Variants in USP45 observed in about 807,000 individuals in gnomAD.
USP45 encodes ubiquitin specific peptidase 45.
A neutral mutation model predicts 95.8 loss-of-function variants in USP45; 89 were observed. The ratio of observed to expected loss-of-function variants is 0.93; its 90% confidence interval spans 0.78 to 1.11. USP45 has a LOEUF of 1.11. USP45 is among the 50% of genes least tolerant of loss of function. The pLI is 0.00. For synonymous variants in USP45, 281 were observed against 316.2 expected (o/e 0.89, Z 1.18); for missense variants, 898 against 942.5 (o/e 0.95, Z 0.62).
At chr6:99,512,113 G>C (rs1312624227) in intron 1 of USP45, among the ~76,000 whole-genome samples, 1 of 151,868 alleles carries the variant, frequency 6.6e-6, no homozygotes, top group Non-Finnish European at 1.5e-5. Flanking sequence ...ATTCAATCAA[G>C]GTTTGCACTT....
At chr6:99,499,929 C>G (rs1372729177) in intron 5 of USP45, among the ~76,000 whole-genome samples, 1 of 152,178 alleles carries the variant, frequency 6.6e-6, no homozygotes, top group African/African-American at 2.4e-5. Context: ...ACTGTTTAAT[C>G]TTACACCTTC....
chr6:99,452,198 G>A (rs374308947), intron 13 of USP45, among the ~76,000 whole-genome samples: 4 of 152,050 alleles, frequency 2.6e-5, no homozygotes, highest in Admixed American at 1.3e-4. Flanking sequence ...ATTAAACTAA[G>A]GAGCTTCTGC....
intron 5 of USP45, chr6:99,501,980 T>C (rs1423512974): frequency 7.7e-7 from 1 of 1,303,254 alleles, no homozygotes; most frequent in South Asian, 1.2e-5. Flanking sequence ...CAGTTTATGC[T>C]GAAGAGATGA....
Position 99,510,157 on chromosome 6 carries a change from C to T in USP45, c.64G>A (p.Val22Ile), listed in dbSNP as rs758646721. ...EKAKRSKRPTVPHDEDSSDDI... is the reference protein window; with the variant it reads ...EKAKRSKRPTIPHDEDSSDDI... ...TCTGAAGAGTCTTCATCATGAGGTA[C>T]AGTAGGCCTTTTACTTCTTTTGGCT... Residue 22 changes from valine to isoleucine, a missense_variant, in exon 2 of 18, where the codon GTA (valine) becomes ATA (isoleucine). Coordinates refer to ENST00000500704, the MANE Select transcript of USP45 (RefSeq NM_001346022.3). 9 of 1,613,878 alleles carry T rather than the reference C, an allele frequency of 5.6e-6. No individual in the cohort carries two copies. The highest frequency in any genetic ancestry group is 7.6e-6 in the Non-Finnish European group (9 of 1,179,840).
In USP45 at chr6:99,464,661, A is replaced by G. The variant is rs766335352; in HGVS notation, c.1251T>C (p.Thr417=). Residue 417 remains threonine (T), a synonymous_variant, in exon 13 of 18, where the codon ACT becomes ACC. Transcript: ENST00000500704. ...CTCTAGGTTGATGAATATTTTCTAT[A>G]GTAACATTGCCACTGTATCGATCAT... ...TDHDRYSGNV[T]IENIHQPRAA... is the part of the protein sequence containing the mutation. 3.7e-6 allele frequency: 6 copies of G among 1,613,270 alleles called. No homozygotes were observed. The highest frequency in any genetic ancestry group is 1.3e-5 in the African/African-American group (1 of 74,914).
intron 13 of USP45, among the ~76,000 whole-genome samples, chr6:99,458,897 A>AAT (rs1785683545): frequency 6.6e-6 from 1 of 152,194 alleles, no homozygotes; most frequent in Admixed American, 6.5e-5. Flanking sequence ...AATAGAGTAC[A>AAT]AGTGTGGGGA....
At chr6:99,455,979 A>G (rs1784973245) in intron 13 of USP45, among the ~76,000 whole-genome samples, 1 of 151,712 alleles carries the variant, frequency 6.6e-6, no homozygotes, top group Admixed American at 6.6e-5. Flanking sequence ...CTGAAAATAC[A>G]AAAATTAACC....
At chr6:99,438,052 T>A (rs1780832583) in intron 16 of USP45, among the ~76,000 whole-genome samples, 1 of 152,224 alleles carries the variant, frequency 6.6e-6, no homozygotes, top group Non-Finnish European at 1.5e-5. Flanking sequence ...CACAAATACA[T>A]GAGCAAAATG....
At chr6:99,500,688 C>T (rs1797186876) in intron 5 of USP45, among the ~76,000 whole-genome samples, 1 of 152,162 alleles carries the variant, frequency 6.6e-6, no homozygotes, top group African/African-American at 2.4e-5. Flanking sequence ...GAATTATGAC[C>T]AACTTCAGTT....
At chr6:99,439,142 AC>A (rs1781051595) in intron 16 of USP45, among the ~76,000 whole-genome samples, 1 of 152,210 alleles carries the variant, frequency 6.6e-6, no homozygotes, top group South Asian at 2.1e-4. Flanking sequence ...ATTACATACT[AC>A]AAAATCTAGA....
chr6:99,504,095 C>A (rs776624817), intron 4 of USP45, among the ~76,000 whole-genome samples: 1 of 152,090 alleles, frequency 6.6e-6, no homozygotes, highest in Non-Finnish European at 1.5e-5. Context: ...TGAAATGCCA[C>A]GAGAGGGTTT....
intron 7 of USP45, among the ~76,000 whole-genome samples, chr6:99,483,473 A>G (rs1184358045): frequency 6.6e-6 from 1 of 152,114 alleles, no homozygotes; most frequent in Non-Finnish European, 1.5e-5. Flanking sequence ...TACTATCCCC[A>G]CCAATAACAC....
intron 13 of USP45, among the ~76,000 whole-genome samples, chr6:99,453,400 C>T (rs1474399711): frequency 6.6e-6 from 1 of 151,746 alleles, no homozygotes; most frequent in Non-Finnish European, 1.5e-5. Context: ...ATCAACAAAG[C>T]AATCCTGTTT....
intron 13 of USP45, among the ~76,000 whole-genome samples, chr6:99,449,310 A>G (rs1783297657): frequency 6.6e-6 from 1 of 152,212 alleles, no homozygotes; most frequent in African/African-American, 2.4e-5. Context: ...ACTCAAAATA[A>G]AAGGATGGAG....
At chr6:99,465,193 T>C (rs905952995) in intron 11 of USP45, 57 bp from the exon 12 acceptor site, 1 of 1,430,150 alleles carries the variant, frequency 7.0e-7, no homozygotes, top group Non-Finnish European at 9.5e-7. Flanking sequence ...AACATACAGT[T>C]TTGTAAAGTA....
chr6:99,491,306 T>TA (rs1795118802), intron 5 of USP45, among the ~76,000 whole-genome samples: 1 of 152,174 alleles, frequency 6.6e-6, no homozygotes, highest in Non-Finnish European at 1.5e-5. Context: ...AGTCAGTACT[T>TA]AAGAAGCACT....
intron 13 of USP45, among the ~76,000 whole-genome samples, chr6:99,458,720 T>C (rs991937398): frequency 6.6e-6 from 1 of 152,142 alleles, no homozygotes; most frequent in Non-Finnish European, 1.5e-5. Flanking sequence ...TACAGTGCTA[T>C]AGAAAGCCAG....
At chr6:99,473,659 G>A (rs1790021591) in intron 9 of USP45, among the ~76,000 whole-genome samples, 1 of 151,956 alleles carries the variant, frequency 6.6e-6, no homozygotes, top group Non-Finnish European at 1.5e-5. Flanking sequence ...GGAGGCTGAG[G>A]CAGGAGAATC....
rs530734025 is a variant in USP45 at position 99,503,350 on chromosome 6, G to A, written c.478+415C>T. On this transcript the variant is annotated intron_variant, in intron 5 of 17. Coordinates refer to ENST00000500704, the MANE Select transcript of USP45 (RefSeq NM_001346022.3). ...AATTTTTTTTTTTTTTTCTTGAGAC[G>A]GGGTCTTGCTCTGTTGCCTAGACTG... Among the ~76,000 whole-genome samples, 14 of 150,558 alleles carry A rather than the reference G, an allele frequency of 9.3e-5. No individual in the cohort carries two copies. In the South Asian group the frequency reaches 1.9e-3, roughly 20 times the overall value.
Sources: allele counts gnomAD v4.1 joint callset (sites outside exome capture counted in the v4.1 genomes callset), GRCh38; gene constraint gnomAD v4.1.1; transcripts MANE v1.5; gene names NCBI Gene and HGNC (gene_info 2026-07-23, HGNC 2026-07-21).